The following CR2 variants were observed in gnomAD, a reference collection of about 807,000 sequenced individuals.
CR2 encodes complement C3d receptor 2.
A neutral mutation model predicts 123.0 loss-of-function variants in CR2; 96 were observed. That is an observed-to-expected ratio of 0.78 (90% CI 0.66 to 0.93). The LOEUF is 0.93. Among genes scored for constraint, CR2 ranks in the 40% least tolerant of loss-of-function variants. CR2 has a pLI of 0.00. For synonymous variants in CR2, 484 were observed against 469.5 expected (o/e 1.03, Z -0.40); for missense variants, 1,258 against 1,361.0 (o/e 0.92, Z 1.19).
intron 1 of CR2, among the ~76,000 whole-genome samples, chr1:207,456,660 A>C (rs1657841632): frequency 6.6e-6 from 1 of 152,256 alleles, no homozygotes; most frequent in African/African-American, 2.4e-5. Flanking sequence ...CAAAACCATG[A>C]AACAAGAATG....
At chr1:207,484,983 G>A (rs1658709020) in intron 18 of CR2, among the ~76,000 whole-genome samples, 1 of 152,152 alleles carries the variant, frequency 6.6e-6, no homozygotes, top group Non-Finnish European at 1.5e-5. Flanking sequence ...CCTCTGACTT[G>A]AACACTTACA....
Position 207,454,770 on chromosome 1 carries a change from T to C in CR2, c.58+294T>C, listed in dbSNP as rs567439866. The C allele has an allele frequency of 3.4e-5, 13 of 387,746 alleles. No individual in the cohort carries two copies. Among genetic ancestry groups the C allele is most frequent in the African/African-American group, 2.5e-4 (12 of 47,342 alleles). The allele number at this position is 387,746 out of a possible 1,614,324, so 24.0% of individuals were successfully genotyped here. A position where few individuals can be genotyped will look rare whatever the true frequency, so the allele number is the denominator to read the frequency against. On this transcript the variant is annotated intron_variant, in intron 1 of 19. Coordinates refer to ENST00000367057, the MANE Select transcript of CR2 (RefSeq NM_001006658.3). The surrounding 1 kb of genome is among the most constrained non-coding windows in gnomAD (Gnocchi z 4.3). Reference sequence around the variant, plus strand: ...GGGTGCTCGCGGTCTCCTGCCGGGCTCCCCGCCCCCAGGATTCTGCAGGTG... The same window carrying C: ...GGGTGCTCGCGGTCTCCTGCCGGGCCCCCCGCCCCCAGGATTCTGCAGGTG...
chr1:207,472,708 G>A (rs940752584), intron 9 of CR2, 64 bp from the exon 10 acceptor site: 23 of 1,534,030 alleles, frequency 1.5e-5, no homozygotes, highest in Non-Finnish European at 1.9e-5. Context: ...TTCATTTGGT[G>A]GTTCTTTGTT....
intron 16 of CR2, among the ~76,000 whole-genome samples, chr1:207,478,525 C>CAAAAAAAAAAAAAAAAAAAAAAAAAAA (rs36116544): frequency 6.8e-5 from 4 of 58,744 alleles, no homozygotes; most frequent in Non-Finnish European, 1.3e-4. Context: ...AAGACCCTAT[C>CAAAAAAAAAAAAAAAAAAAAAAAAAAA]AAAAAAAAAA....
At chr1:207,484,806 T>C (rs759851755) in intron 18 of CR2, among the ~76,000 whole-genome samples, 3 of 152,242 alleles carry the variant, frequency 2.0e-5, no homozygotes, top group Non-Finnish European at 2.9e-5. Flanking sequence ...AAACATTCTC[T>C]TCAAACTCGT....
chr1:207,466,701 T>C lies in CR2; in HGVS notation c.234T>C (p.Pro78=). The C allele has an allele frequency of 1.2e-6, 2 of 1,614,136 alleles. No individual in the cohort carries two copies. Among genetic ancestry groups the C allele is most frequent in the Non-Finnish European group, 1.7e-6 (2 of 1,179,986 alleles). ...KDKVDGTWDK[P]APKCEYFNKY... is the part of the protein sequence containing the mutation. ...AAGTGGATGGAACCTGGGATAAACC[T>C]GCTCCTAAATGTGAATATTTCAATA... The change falls in exon 2 of 20, where the codon CCT becomes CCC. Residue 78 remains proline (P), a synonymous_variant. Coordinates refer to ENST00000367057, the MANE Select transcript of CR2 (RefSeq NM_001006658.3).
At chr1:207,460,643 T>C (rs1196394072) in intron 1 of CR2, among the ~76,000 whole-genome samples, 1 of 152,182 alleles carries the variant, frequency 6.6e-6, no homozygotes, top group Non-Finnish European at 1.5e-5. Context: ...GTTTAGGGCG[T>C]TGAAACTTGA....
chr1:207,480,012 G>A lies in CR2; in HGVS notation c.3147G>A (p.Leu1049=), dbSNP rs1171122118. 4 of 1,613,136 alleles carry A rather than the reference G, an allele frequency of 2.5e-6. No homozygotes were observed. The highest frequency in any genetic ancestry group is 3.4e-6 in the Non-Finnish European group (4 of 1,179,402). The change falls in exon 18 of 20, where the codon TTG becomes TTA. Residue 1049 remains leucine, a synonymous_variant. Coordinates refer to ENST00000367057, the MANE Select transcript of CR2 (RefSeq NM_001006658.3). ...CAGGTTTGATACTTCTTACCTTCTT[G>A]ATTGTCATTACCTTATACGTGATAT... is the stretch of plus-strand genomic sequence containing the variant. ...IAAGLILLTF[L]IVITLYVISK...
intron 18 of CR2, among the ~76,000 whole-genome samples, chr1:207,480,976 T>A (rs1311038255): frequency 6.6e-6 from 1 of 152,046 alleles, no homozygotes; most frequent in East Asian, 1.9e-4. Context: ...GAAATTGGCA[T>A]CTTTTCTGTA....
At chr1:207,462,327 G>C (rs1262086330) in intron 1 of CR2, among the ~76,000 whole-genome samples, 2 of 152,300 alleles carry the variant, frequency 1.3e-5, no homozygotes, top group African/African-American at 4.8e-5. Flanking sequence ...AGAAGAATTA[G>C]AGAACTATAG....
chr1:207,458,860 G>A (rs1240713242), intron 1 of CR2, among the ~76,000 whole-genome samples: 1 of 152,074 alleles, frequency 6.6e-6, no homozygotes, highest in Non-Finnish European at 1.5e-5. Context: ...ATGAGGGTGG[G>A]AACCTTGTCT....
At chr1:207,469,622 C>G in intron 5 of CR2, 73 bp from the exon 6 acceptor site, 2 of 1,362,336 alleles carry the variant, frequency 1.5e-6, no homozygotes, top group South Asian at 2.3e-5. Context: ...ATAGTGGTAT[C>G]AAGCAGCATC....
At chr1:207,482,279 G>A (rs1658625093) in intron 18 of CR2, among the ~76,000 whole-genome samples, 1 of 151,978 alleles carries the variant, frequency 6.6e-6, no homozygotes, top group Non-Finnish European at 1.5e-5. Flanking sequence ...GCTTGTTGTA[G>A]CAAATTAGTT....
chr1:207,463,855 C>T (rs1233804789), intron 1 of CR2, among the ~76,000 whole-genome samples: 3 of 152,066 alleles, frequency 2.0e-5, no homozygotes, highest in Non-Finnish European at 4.4e-5. Context: ...TTATTGCACC[C>T]TATTTAATTC....
Position 207,469,914 on chromosome 1 carries a change from C to A in CR2, c.1037C>A (p.Thr346Asn), listed in dbSNP as rs1358867961. ...CCTGCCCCACGCTGTGAACTTTCTA[C>A]TTCTGCGGTTCAGTGTCCACATCCC... ...SGPAPRCELSTSAVQCPHPQI... is the reference protein window; with the variant it reads ...SGPAPRCELSNSAVQCPHPQI... Residue 346 changes from threonine (T) to asparagine (N), a missense_variant, in exon 6 of 20, where the codon ACT becomes AAT. By Grantham distance (65) the Thr-to-Asn change is moderately conservative (BLOSUM62 0). Coordinates refer to ENST00000367057, the MANE Select transcript of CR2 (RefSeq NM_001006658.3). 2 of 1,613,924 alleles carry A rather than the reference C, an allele frequency of 1.2e-6. No individual in the cohort carries two copies. Among genetic ancestry groups the A allele is most frequent in the East Asian group, 4.5e-5 (2 of 44,896 alleles).
At chr1:207,456,685 T>A (rs1657842123) in intron 1 of CR2, among the ~76,000 whole-genome samples, 1 of 152,238 alleles carries the variant, frequency 6.6e-6, no homozygotes, top group Admixed American at 6.5e-5. Context: ...CATTTTCTAA[T>A]CGGCTACAAA....
At chr1:207,482,798 T>G (rs951271224) in intron 18 of CR2, among the ~76,000 whole-genome samples, 4 of 152,050 alleles carry the variant, frequency 2.6e-5, no homozygotes, top group African/African-American at 7.2e-5. Flanking sequence ...AGAAAGGCAT[T>G]CCAGACAGAA....
chr1:207,459,799 T>C (rs1167826995), intron 1 of CR2, among the ~76,000 whole-genome samples: 1 of 152,202 alleles, frequency 6.6e-6, no homozygotes, highest in East Asian at 1.9e-4. Flanking sequence ...TGGCTTAACC[T>C]TCCCTTTTCT....
intron 1 of CR2, among the ~76,000 whole-genome samples, chr1:207,465,083 A>G (rs1407405342): frequency 1.3e-5 from 2 of 152,062 alleles, no homozygotes; most frequent in African/African-American, 4.8e-5. Flanking sequence ...GGCATCCAAC[A>G]TCATGCCTGG....
Sources: gnomAD v4.1 joint callset for allele counts (sites outside exome capture counted in the v4.1 genomes callset) on GRCh38, gnomAD v4.1.1 for gene constraint, Gnocchi (gnomAD v3.1) non-coding constraint, MANE v1.5 for transcripts, NCBI Gene and HGNC (gene_info 2026-07-23, HGNC 2026-07-21) for gene names.